The following SLC5A12 variants were observed in gnomAD, a reference collection of about 807,000 sequenced individuals.
The protein encoded by SLC5A12 is solute carrier family 5 member 12.
SLC5A12 carries 46 observed loss-of-function variants against 72.7 expected under a neutral mutation model. The ratio of observed to expected loss-of-function variants is 0.63; its 90% CI spans 0.50 to 0.81. The LOEUF is 0.81. Ranked by LOEUF, SLC5A12 falls within the 30% of genes least tolerant of loss-of-function variation. The pLI is 0.00. For synonymous variants in SLC5A12, 275 were observed against 264.4 expected (o/e 1.04, Z -0.39); for missense variants, 683 against 740.7 (o/e 0.92, Z 0.90).
chr11:26,701,778 ACT>A (rs1353286020), intron 6 of SLC5A12, among the ~76,000 whole-genome samples: 3 of 152,082 alleles, frequency 2.0e-5, no homozygotes, highest in Non-Finnish European at 4.4e-5. Flanking sequence ...ACACATACAC[ACT>A]CACATATATA....
chr11:26,720,569 A>T (rs976559749), intron 1 of SLC5A12, among the ~76,000 whole-genome samples: 4 of 151,394 alleles, frequency 2.6e-5, no homozygotes, highest in African/African-American at 9.7e-5. Context: ...TACATATTTA[A>T]AAAAAAATAG....
chr11:26,703,749 T>G lies in SLC5A12; in HGVS notation c.680+44A>C, dbSNP rs1183965999. ...TATTATTTTAGGTGATAAGGTCATG[T>G]AGCTAAGTCTTTGTAAAGTATGAAA... On this transcript the variant is annotated intron_variant, in intron 5 of 14. Coordinates refer to ENST00000396005, the MANE Select transcript of SLC5A12 (RefSeq NM_178498.4). The G allele has an allele frequency of 2.5e-6, 4 of 1,612,654 alleles. No homozygotes were observed. The South Asian group carries it at 4.4e-5, about 18-fold the overall frequency.
chr11:26,694,247 C>T (rs547617830), intron 8 of SLC5A12, among the ~76,000 whole-genome samples: 59 of 152,214 alleles, frequency 3.9e-4, no homozygotes, highest in African/African-American at 1.4e-3. Flanking sequence ...TTTCTCTATC[C>T]CCACAGTCTC....
chr11:26,717,950 T>TAC (rs1855389910), intron 1 of SLC5A12, among the ~76,000 whole-genome samples: 1 of 152,254 alleles, frequency 6.6e-6, no homozygotes, highest in East Asian at 1.9e-4. Flanking sequence ...AGGCAGAAGC[T>TAC]ACAAGGCTCA....
At chr11:26,683,729 A>C (rs747556912) in intron 11 of SLC5A12, 28 bp downstream of exon 11, 5 of 1,550,544 alleles carry the variant, frequency 3.2e-6, no homozygotes, top group Non-Finnish European at 4.4e-6. Context: ...TTGACTGGGA[A>C]TTGTGAAGAG....
At chr11:26,716,654 G>A (rs76353663) in intron 1 of SLC5A12, among the ~76,000 whole-genome samples, 34 of 152,052 alleles carry the variant, frequency 2.2e-4, no homozygotes, top group African/African-American at 6.7e-4. Context: ...AGGTTGGTTC[G>A]AGCCCAAATA....
Position 26,678,734 on chromosome 11 carries a change from T to G in SLC5A12, c.1557A>C (p.Gly519=). ...AVGCLGCIVA[G]VIISLITGRQ... is the part of the protein sequence containing the mutation. ...AACCTGTTATGAGGCTGATGATTAC[T>G]CCAGCAACAATGCATCCTAAGCAGC... Residue 519 remains glycine (G), a synonymous_variant, in exon 13 of 15, where the codon GGA becomes GGC. Transcript: ENST00000396005. 2 of 1,613,010 alleles carry G rather than the reference T, an allele frequency of 1.2e-6. No individual in the cohort carries two copies. The highest frequency in any genetic ancestry group is 1.7e-6 in the Non-Finnish European group (2 of 1,179,372).
At chr11:26,714,122 T>A (rs748581510) in intron 1 of SLC5A12, among the ~76,000 whole-genome samples, 5 of 151,878 alleles carry the variant, frequency 3.3e-5, no homozygotes, top group Admixed American at 2.6e-4. Flanking sequence ...AAAAAACATG[T>A]AAAGTAACAT....
chr11:26,676,583 G>A (rs1443192097), intron 13 of SLC5A12, among the ~76,000 whole-genome samples: 1 of 151,972 alleles, frequency 6.6e-6, no homozygotes, highest in Non-Finnish European at 1.5e-5. Context: ...CCTGATAATG[G>A]GATGTTTTGG....
At position 26,667,810 on chromosome 11, in the gene SLC5A12, T is replaced by C. The variant is rs1372682967; in HGVS notation, c.*3292A>G. 2 of 152,024 alleles carry C rather than the reference T, an allele frequency of 1.3e-5. No homozygotes were observed. Among genetic ancestry groups the C allele is most frequent in the African/African-American group, 4.8e-5 (2 of 41,422 alleles). 9.4% of individuals were successfully genotyped at this position (152,024 alleles called of 1,614,324 possible). A position where few individuals can be genotyped will look rare whatever the true frequency, so the allele number is the denominator to read the frequency against. Reference sequence around the variant, plus strand: ...CTCTTTGGAAATTTAGGCATGACTTTTAATGTATACATTCTGTTTTTCTTA... The same window carrying C: ...CTCTTTGGAAATTTAGGCATGACTTCTAATGTATACATTCTGTTTTTCTTA... On this transcript the variant is annotated 3_prime_UTR_variant, in exon 15 of 15. Coordinates refer to ENST00000396005, the MANE Select transcript of SLC5A12 (RefSeq NM_178498.4).
intron 1 of SLC5A12, among the ~76,000 whole-genome samples, chr11:26,714,223 C>T (rs1464906481): frequency 1.3e-5 from 2 of 152,064 alleles, no homozygotes; most frequent in Non-Finnish European, 2.9e-5. Flanking sequence ...TATACAAGTA[C>T]TGTTCTATTT....
chr11:26,683,875 C>T (rs1590713464), intron 10 of SLC5A12, 32 bp from the exon 11 acceptor site: 1 of 1,545,706 alleles, frequency 6.5e-7, no homozygotes, highest in South Asian at 1.2e-5. Context: ...GATGAATCCC[C>T]TACTCAAGGG....
intron 6 of SLC5A12, 86 bp from the exon 7 acceptor site, chr11:26,698,621 G>GT: frequency 7.6e-7 from 1 of 1,310,236 alleles, no homozygotes; most frequent in Non-Finnish European, 1.0e-6. Flanking sequence ...AAGGTAAAGG[G>GT]TTTTGGGTCT....
At chr11:26,705,781 G>A (rs1007188564) in intron 4 of SLC5A12, among the ~76,000 whole-genome samples, 2 of 152,002 alleles carry the variant, frequency 1.3e-5, no homozygotes, top group Non-Finnish European at 2.9e-5. Flanking sequence ...ACTTGGCATT[G>A]GTTGTGCAGA....
chr11:26,702,531 G>T (rs962870026), intron 6 of SLC5A12, among the ~76,000 whole-genome samples: 2 of 152,184 alleles, frequency 1.3e-5, no homozygotes, highest in African/African-American at 2.4e-5. Context: ...TGAAGATGAA[G>T]AATCATTTTG....
chr11:26,683,699 G>C, intron 11 of SLC5A12, 58 bp downstream of exon 11: 1 of 1,417,716 alleles, frequency 7.1e-7, no homozygotes, highest in Non-Finnish European at 9.8e-7. Flanking sequence ...AGAGGAGAGA[G>C]AAAACGGCTG....
At chr11:26,701,883 C>T (rs1372365443) in intron 6 of SLC5A12, among the ~76,000 whole-genome samples, 1 of 152,002 alleles carries the variant, frequency 6.6e-6, no homozygotes, top group Non-Finnish European at 1.5e-5. Context: ...AAGCGATAAA[C>T]GTTTAGTAAG....
chr11:26,678,689 C>A (rs1426711942), intron 13 of SLC5A12, 23 bp downstream of exon 13: 1 of 1,576,570 alleles, frequency 6.3e-7, no homozygotes, highest in Non-Finnish European at 8.7e-7. Context: ...TCTTTAGTCC[C>A]AAAGGGAGGA....
intron 4 of SLC5A12, among the ~76,000 whole-genome samples, chr11:26,707,747 T>G (rs1855124525): frequency 6.6e-6 from 1 of 152,084 alleles, no homozygotes; most frequent in African/African-American, 2.4e-5. Context: ...CTAAATCTTG[T>G]TTGTTGCTTT....
Sources: gnomAD v4.1 joint callset for allele counts (sites outside exome capture counted in the v4.1 genomes callset) on GRCh38, gnomAD v4.1.1 for gene constraint, MANE v1.5 for transcripts, NCBI Gene and HGNC (gene_info 2026-07-23, HGNC 2026-07-21) for gene names.